Variants in TSPAN4 observed in about 807,000 individuals in gnomAD.
The protein encoded by TSPAN4 is tetraspanin-4.
Under a neutral mutation model 31.5 loss-of-function variants are expected in TSPAN4, and 38 were observed. That is an observed-to-expected ratio of 1.21 (90% CI 0.93 to 1.58). The LOEUF (loss-of-function observed/expected upper bound fraction) is 1.58, where lower values mean the gene tolerates loss of function less well. Ranked by LOEUF, TSPAN4 falls within the 40% of genes most tolerant of loss-of-function variation. The pLI is 0.00. For synonymous variants in TSPAN4, 186 were observed against 144.6 expected (o/e 1.29, Z -2.06); for missense variants, 330 against 317.3 (o/e 1.04, Z -0.30).
At chr11:862,137 G>T (rs532286230) in intron 3 of TSPAN4, among the ~76,000 whole-genome samples, 1 of 152,350 alleles carries the variant, frequency 6.6e-6, no homozygotes, top group East Asian at 1.9e-4. Flanking sequence ...AAAGGCTGGA[G>T]TGGCCTGTCA....
intron 3 of TSPAN4, among the ~76,000 whole-genome samples, chr11:855,111 C>T (rs1311006600): frequency 6.6e-6 from 1 of 152,066 alleles, no homozygotes; most frequent in African/African-American, 2.4e-5. Flanking sequence ...CAGACTTGTC[C>T]ACCCAGTGAC....
intron 4 of TSPAN4, chr11:862,962 CAA>C (rs745600774): frequency 7.1e-6 from 4 of 562,734 alleles, no homozygotes; most frequent in African/African-American, 3.8e-5. Flanking sequence ...GGGGGTCACT[CAA>C]GAGAACGTGC....
At chr11:846,096 G>GC (rs1041785101) in intron 1 of TSPAN4, among the ~76,000 whole-genome samples, 1 of 152,186 alleles carries the variant, frequency 6.6e-6, no homozygotes, top group African/African-American at 2.4e-5. Context: ...GAGCCCGTGG[G>GC]CCTGGGGGGC....
At chr11:864,765 C>T (rs537790756) in intron 5 of TSPAN4, 30 of 571,848 alleles carry the variant, frequency 5.2e-5, no homozygotes, top group South Asian at 3.4e-4. Flanking sequence ...GGTTGTCCCC[C>T]GCCCTCTGAC....
At chr11:863,245 T>C (rs1473634077) in intron 4 of TSPAN4, 1 of 153,080 alleles carries the variant, frequency 6.5e-6, no homozygotes, top group Non-Finnish European at 1.5e-5. Flanking sequence ...TTATCCTCCT[T>C]AGAAATGTTA....
intron 4 of TSPAN4, chr11:863,064 C>G (rs1848563547): frequency 4.4e-6 from 1 of 226,182 alleles, no homozygotes; most frequent in Non-Finnish European, 8.6e-6. Flanking sequence ...CATGCGCAGC[C>G]TTTCACGGGC....
intron 1 of TSPAN4, among the ~76,000 whole-genome samples, chr11:845,257 CGAGCACA>C (rs1847247254): frequency 6.6e-6 from 1 of 152,166 alleles, no homozygotes; most frequent in African/African-American, 2.4e-5. Flanking sequence ...CACGGCGCCA[CGAGCACA>C]CGTGCCCGAC....
chr11:855,294 G>A (rs1847984403), intron 3 of TSPAN4, among the ~76,000 whole-genome samples: 1 of 152,216 alleles, frequency 6.6e-6, no homozygotes, highest in African/African-American at 2.4e-5. Context: ...AGGGGGACGG[G>A]AGTGAGCGTG....
intron 8 of TSPAN4, among the ~76,000 whole-genome samples, chr11:866,300 C>T (rs1352374711): frequency 6.6e-6 from 1 of 152,096 alleles, no homozygotes; most frequent in Non-Finnish European, 1.5e-5. Flanking sequence ...GTGCCAGTGG[C>T]CCCTGGTTTC....
intron 1 of TSPAN4, among the ~76,000 whole-genome samples, chr11:845,656 G>GC (rs1565127001): frequency 6.6e-6 from 1 of 151,930 alleles, no homozygotes; most frequent in Non-Finnish European, 1.5e-5. Context: ...GTGGGAAGGT[G>GC]CCCCCCACCC....
chr11:862,910 C>T, intron 4 of TSPAN4, 169 bp downstream of exon 4: 1 of 674,188 alleles, frequency 1.5e-6, no homozygotes, highest in Non-Finnish European at 2.4e-6. Context: ...GTTGGGTCTT[C>T]CAGGCCACAC....
chr11:854,401 C>T (rs1847931142), intron 3 of TSPAN4, among the ~76,000 whole-genome samples: 1 of 152,174 alleles, frequency 6.6e-6, no homozygotes. Context: ...ATTTTCCCAT[C>T]TGCACCATGT....
At position 848,946 on chromosome 11, in the gene TSPAN4, C is replaced by A. The variant is rs767417465; in HGVS notation, c.-17-1342C>A. On this transcript the variant is annotated intron_variant, in intron 2 of 8. Coordinates refer to ENST00000397397, the MANE Select transcript of TSPAN4 (RefSeq NM_003271.5). This position sits in a 1 kb window ranked among gnomAD's most constrained non-coding sequence, Gnocchi z 5.7. ...GCGCACGGGGCCGGTATGTCTGTAC[C>A]TGTCAAGGGGTGGGGTGGGGTCTTT... 6 of 706,076 alleles carry A rather than the reference C, an allele frequency of 8.5e-6. No homozygotes were observed. The South Asian group carries it at 9.0e-5, about 11-fold the overall frequency. 43.7% of individuals were successfully genotyped at this position (706,076 alleles called of 1,614,324 possible). A position where few individuals can be genotyped will look rare whatever the true frequency, so the allele number is the denominator to read the frequency against.
intron 5 of TSPAN4, chr11:865,164 G>A (rs113396890): frequency 2.0e-5 from 5 of 253,380 alleles, no homozygotes; most frequent in South Asian, 6.7e-5. Flanking sequence ...ATTGGGGACC[G>A]AGGCCAGGGT....
At position 862,623 on chromosome 11, in the gene TSPAN4, C is replaced by T. The variant is rs375365291; in HGVS notation, c.137C>T (p.Ser46Phe). ...ATQGSFATLS[S>F]SFPSLSAANL... The stretch of plus-strand genomic sequence containing the variant: ...CAGGGGAGCTTCGCCACGCTGTCCT[C>T]TTCCTTCCCGTCCCTGTCGGCTGCC... Residue 46 changes from serine (S) to phenylalanine (F), a missense_variant, in exon 4 of 9, where the codon TCT (serine) becomes TTT (phenylalanine). Physicochemically the swap from Ser to Phe is radical, Grantham distance 155. Coordinates refer to ENST00000397397, the MANE Select transcript of TSPAN4 (RefSeq NM_003271.5). 41 of 1,613,212 alleles carry T rather than the reference C, an allele frequency of 2.5e-5. No homozygotes were observed. Among genetic ancestry groups the T allele is most frequent in the Non-Finnish European group, 3.2e-5 (38 of 1,179,886 alleles).
chr11:865,209 T>G (rs190775617), intron 5 of TSPAN4: 52 of 378,858 alleles, frequency 1.4e-4, no homozygotes, highest in African/African-American at 9.7e-4. Context: ...CCCCTGGCTT[T>G]CAGCTCACAG....
Position 866,781 on chromosome 11 carries a change from T to G in TSPAN4, c.*151T>G, listed in dbSNP as rs1474306999. 3 of 843,078 alleles carry G rather than the reference T, an allele frequency of 3.6e-6. No homozygotes were observed. Among genetic ancestry groups the G allele is most frequent in the Non-Finnish European group, 5.3e-6 (3 of 565,244 alleles). The allele number at this position is 843,078 out of a possible 1,614,324, so 52.2% of individuals were successfully genotyped here. The stretch of plus-strand genomic sequence containing the variant: ...TGCCTGGAGCCCCCGGAACCCTGTT[T>G]CTGGAAGGCCCTAGCTCAGGTGGCT... On this transcript the variant is annotated 3_prime_UTR_variant, in exon 9 of 9. Coordinates refer to ENST00000397397, the MANE Select transcript of TSPAN4 (RefSeq NM_003271.5).
At chr11:849,775 A>C (rs1590226634) in intron 2 of TSPAN4, 1 of 101,354 alleles carries the variant, frequency 9.9e-6, no homozygotes. Context: ...GCGGGGGCGG[A>C]GCCGCCGGGG....
At chr11:845,536 C>G (rs539946752) in intron 1 of TSPAN4, among the ~76,000 whole-genome samples, 1 of 152,258 alleles carries the variant, frequency 6.6e-6, no homozygotes, top group East Asian at 1.9e-4. Flanking sequence ...GCTGCCCAGG[C>G]CTGATGTGCC....
Sources: gnomAD v4.1 joint callset for allele counts (sites outside exome capture counted in the v4.1 genomes callset) on GRCh38, gnomAD v4.1.1 for gene constraint, Gnocchi (gnomAD v3.1) non-coding constraint, MANE v1.5 for transcripts, NCBI Gene and HGNC (gene_info 2026-07-23, HGNC 2026-07-21) for gene names.